Variants in SPTBN2 observed in about 807,000 individuals in gnomAD.
SPTBN2 encodes spectrin beta chain, non-erythrocytic 2.
SPTBN2 carries 107 observed loss-of-function variants against 284.2 expected under a neutral mutation model. That is an observed-to-expected ratio of 0.38 (90% confidence interval 0.32 to 0.44). The LOEUF (loss-of-function observed/expected upper bound fraction) is 0.44, where lower values mean the gene tolerates loss of function less well. Ranked by LOEUF, SPTBN2 falls within the 20% of genes least tolerant of loss-of-function variation. The pLI, the probability that SPTBN2 is intolerant of heterozygous loss-of-function variation, is 1.00. For synonymous variants in SPTBN2, 1,289 were observed against 1,354.8 expected (o/e 0.95, Z 1.07); for missense variants, 2,569 against 3,287.1 (o/e 0.78, Z 5.34).
chr11:66,738,852 C>A (rs1384164610), intron 1 of SPTBN2, among the ~76,000 whole-genome samples: 3 of 146,034 alleles, frequency 2.1e-5, no homozygotes, highest in African/African-American at 7.7e-5. Context: ...CACTCTGTTG[C>A]CCAGGCTGGA....
chr11:66,696,689 C>T (rs776851604), intron 20 of SPTBN2, 149 bp from the exon 21 acceptor site: 14 of 1,135,834 alleles, frequency 1.2e-5, no homozygotes, highest in South Asian at 4.0e-5. Flanking sequence ...ACACTCTTCA[C>T]GGAGGTTTAA....
rs748587973 is a variant in SPTBN2 at position 66,688,654 on chromosome 11, G to A, written c.6230C>T (p.Ala2077Val). 52 of 1,613,670 alleles carry A rather than the reference G, an allele frequency of 3.2e-5. No individual in the cohort carries two copies. In the South Asian group the frequency reaches 4.5e-4, roughly 14 times the overall value. ...CATCCGGGGTCCTGTGTCCCTCACC[G>A]CAGTAAGCTTCTCCAGCGCACAGAA... Reference protein sequence around the residue: ...ERFCALEKLTALEEREKERKR... With the variant: ...ERFCALEKLTVLEEREKERKR... Residue 2077 changes from alanine to valine, a missense_variant and splice_region_variant, in exon 31 of 38, where the codon GCG (alanine) becomes GTG (valine). By Grantham distance (64) the Ala-to-Val change is moderately conservative. Coordinates refer to ENST00000533211, the MANE Select transcript of SPTBN2 (RefSeq NM_006946.4).
In SPTBN2 at chr11:66,687,314, T is replaced by C. The variant is rs1395039808; in HGVS notation, c.6722+113A>G. The C allele has an allele frequency of 4.4e-5, 68 of 1,548,662 alleles. No individual in the cohort carries two copies. Among genetic ancestry groups the C allele is most frequent in the Non-Finnish European group, 5.3e-5 (60 of 1,136,592 alleles). On this transcript the variant is annotated intron_variant, in intron 35 of 37. Transcript: ENST00000533211. This position sits in a 1 kb window ranked among gnomAD's most constrained non-coding sequence, Gnocchi z 5.2. ...GTCCTCCCCTGAGGCCCCGCTCTGG[T>C]CCCAAGTCCTACCCTTTGCCCAGAA...
At chr11:66,723,805 A>C (rs894333056) in intron 1 of SPTBN2, among the ~76,000 whole-genome samples, 53 of 152,162 alleles carry the variant, frequency 3.5e-4, no homozygotes, top group Admixed American at 1.6e-3. Context: ...TGCTGTGGGC[A>C]AGGCATGACC....
At chr11:66,734,997 T>C (rs1942842437) in intron 1 of SPTBN2, among the ~76,000 whole-genome samples, 1 of 152,192 alleles carries the variant, frequency 6.6e-6, no homozygotes, top group South Asian at 2.1e-4. Context: ...GAGATCAAAG[T>C]TAAATTCTTC....
chr11:66,688,738 T>C lies in SPTBN2; in HGVS notation c.6146A>G (p.Glu2049Gly). Residue 2049 changes from glutamate to glycine, a missense_variant, in exon 31 of 38, where the codon GAG (glutamate) becomes GGG (glycine). This residue lies in a region of SPTBN2 where 1,130 missense variants were observed against 1,317.3 expected (regional missense o/e 0.86). Coordinates refer to ENST00000533211, the MANE Select transcript of SPTBN2 (RefSeq NM_006946.4). ...GGCCTCGTGCCGCTTGATGAGGCTC[T>C]CAACTTCGTCGACCGTGCAACCCAG... ...AELGCTVDEVESLIKRHEAFQ... is the reference protein window; with the variant it reads ...AELGCTVDEVGSLIKRHEAFQ... The C allele has an allele frequency of 1.9e-6, 3 of 1,613,706 alleles. No individual in the cohort carries two copies. Among genetic ancestry groups the C allele is most frequent in the Non-Finnish European group, 2.5e-6 (3 of 1,180,026 alleles).
chr11:66,694,729 C>A (rs1940806657), intron 21 of SPTBN2, among the ~76,000 whole-genome samples: 1 of 152,232 alleles, frequency 6.6e-6, no homozygotes, highest in Non-Finnish European at 1.5e-5. Flanking sequence ...ATTATCAATT[C>A]ATTGTCTCTC....
chr11:66,696,446 G>C lies in SPTBN2; in HGVS notation c.4109C>G (p.Thr1370Ser), dbSNP rs1241681811. ...DLHRRWDELE[T>S]TTQAKARSLF... ...GCTGCGGGCCTTGGCTTGGGTGGTGGTCTCCAGCTCGTCCCAGCGCCTGTG... is the reference window on the plus strand; with the variant it reads ...GCTGCGGGCCTTGGCTTGGGTGGTGCTCTCCAGCTCGTCCCAGCGCCTGTG... Residue 1370 changes from threonine (T) to serine (S), a missense_variant, in exon 21 of 38, where the codon ACC becomes AGC. Thr to Ser is a moderately conservative substitution (Grantham distance 58). Around this residue, in one of 6 missense-constraint regions of SPTBN2, gnomAD observed 50 missense variants for 48.1 expected, o/e 1.04. Transcript: ENST00000533211. The C allele has an allele frequency of 6.2e-7, 1 of 1,612,958 alleles. No individual in the cohort carries two copies. Among genetic ancestry groups the C allele is most frequent in the Non-Finnish European group, 8.5e-7 (1 of 1,180,032 alleles).
chr11:66,696,314 T>A lies in SPTBN2; in HGVS notation c.4241A>T (p.Asp1414Val). 1 of 1,612,990 alleles carries A rather than the reference T, an allele frequency of 6.2e-7. No homozygotes were observed. Among genetic ancestry groups the A allele is most frequent in the Non-Finnish European group, 8.5e-7 (1 of 1,180,028 alleles). ...GAGCAGGATGTTGACGCTGGTGAGG[T>A]CCTTGCCGTAGTCATCCGAGTGCAG... ...AQLHSDDYGKDLTSVNILLKK... is the reference protein window; with the variant it reads ...AQLHSDDYGKVLTSVNILLKK... The change falls in exon 21 of 38, where the codon GAC becomes GTC. Residue 1414 changes from aspartate (D) to valine (V), a missense_variant. Coordinates refer to ENST00000533211, the MANE Select transcript of SPTBN2 (RefSeq NM_006946.4).
chr11:66,725,744 G>A (rs758589123), intron 1 of SPTBN2, among the ~76,000 whole-genome samples: 3 of 152,190 alleles, frequency 2.0e-5, no homozygotes, highest in Non-Finnish European at 2.9e-5. Flanking sequence ...TGCAGGCTTG[G>A]GGTCCTGCTG....
At chr11:66,714,226 C>T (rs1209006346) in intron 6 of SPTBN2, 55 bp from the exon 7 acceptor site, 2 of 1,607,378 alleles carry the variant, frequency 1.2e-6, no homozygotes, top group Non-Finnish European at 1.7e-6. Flanking sequence ...TTCTATGACT[C>T]CAGGGCAGTC....
rs374748738 is a variant in SPTBN2 at position 66,690,287 on chromosome 11, C to T, written c.5566-4G>A. On this transcript the variant is annotated splice_region_variant and splice_polypyrimidine_tract_variant and intron_variant, in intron 27 of 37. Transcript: ENST00000533211. ...CGTCGTCCTGCACCTGCTGGACCTGCGGAGCCCCGGGTCAGAGTCAGGCAG... is the reference window on the plus strand; with the variant it reads ...CGTCGTCCTGCACCTGCTGGACCTGTGGAGCCCCGGGTCAGAGTCAGGCAG... The T allele has an allele frequency of 1.1e-4, 178 of 1,602,408 alleles. No homozygotes were observed. Among genetic ancestry groups the T allele is most frequent in the Non-Finnish European group, 1.4e-4 (168 of 1,175,806 alleles).
In SPTBN2 at chr11:66,705,695, T is replaced by A. The variant is rs1177479442; in HGVS notation, c.1796A>T (p.Asn599Ile). The A allele has an allele frequency of 1.2e-6, 2 of 1,611,838 alleles. No individual in the cohort carries two copies. The highest frequency in any genetic ancestry group is 1.7e-6 in the Non-Finnish European group (2 of 1,179,990). Residue 599 changes from asparagine (N) to isoleucine (I), a missense_variant, in exon 14 of 38, where the codon AAC becomes ATC. Physicochemically the swap from Asn to Ile is moderately radical, Grantham distance 149 (BLOSUM62 -3). Transcript: ENST00000533211. ...CGCTGACTTCTCACCTTTCCCTGGG[T>A]TGCAGAAGCGCAGGGCAGAGGCGCT... Reference protein sequence around the residue: ...AVSASALRFCNPGKEYRPCDP... With the variant: ...AVSASALRFCIPGKEYRPCDP...
At position 66,687,183 on chromosome 11, in the gene SPTBN2, T is replaced by C. The variant is rs1267937735; in HGVS notation, c.6723-16A>G. On this transcript the variant is annotated splice_polypyrimidine_tract_variant and intron_variant, in intron 35 of 37. Coordinates refer to ENST00000533211, the MANE Select transcript of SPTBN2 (RefSeq NM_006946.4). This position sits in a 1 kb window ranked among gnomAD's most constrained non-coding sequence, Gnocchi z 5.2. ...CTGCCAGGACCTGCGAGGGACGCGG[T>C]GCTGACTGGCCGGCCTCAGTGGCGC... The C allele has an allele frequency of 6.2e-7, 1 of 1,613,394 alleles. No homozygotes were observed. Among genetic ancestry groups the C allele is most frequent in the Non-Finnish European group, 8.5e-7 (1 of 1,179,972 alleles).
At position 66,685,141 on chromosome 11, in the gene SPTBN2, A is replaced by G. The variant is rs1940027132; in HGVS notation, c.*730T>C. 1 of 153,296 alleles carries G rather than the reference A, an allele frequency of 6.5e-6. No individual in the cohort carries two copies. Among genetic ancestry groups the G allele is most frequent in the African/African-American group, 2.4e-5 (1 of 41,412 alleles). The allele number at this position is 153,296 out of a possible 1,614,324, so 9.5% of individuals were successfully genotyped here. A position where few individuals can be genotyped will look rare whatever the true frequency, so the allele number is the denominator to read the frequency against. ...TCTCAGTGTGACACGGCTCTTCAAG[A>G]GCTTGGAGGCTGGGGAAACGTGAGA... is the stretch of plus-strand genomic sequence containing the variant. On this transcript the variant is annotated 3_prime_UTR_variant, in exon 38 of 38. Coordinates refer to ENST00000533211, the MANE Select transcript of SPTBN2 (RefSeq NM_006946.4). This position sits in a 1 kb window ranked among gnomAD's most constrained non-coding sequence, Gnocchi z 4.4.
Position 66,693,536 on chromosome 11 carries a change from C to G in SPTBN2, c.4594-90G>C, listed in dbSNP as rs1003932104. ...CCACCCTTCACCCCTGTGCCTCTCT[C>G]CTTCCTGGGTCCTCTGCTCCCTCTC... On this transcript the variant is annotated intron_variant, in intron 23 of 37. Coordinates refer to ENST00000533211, the MANE Select transcript of SPTBN2 (RefSeq NM_006946.4). The surrounding 1 kb of genome is among the most constrained non-coding windows in gnomAD (Gnocchi z 5.7). 1 of 1,535,276 alleles carries G rather than the reference C, an allele frequency of 6.5e-7. No homozygotes were observed. The highest frequency in any genetic ancestry group is 1.9e-5 in the Admixed American group (1 of 51,390).
In SPTBN2 at chr11:66,710,585, G is replaced by A; in HGVS notation, c.1070C>T (p.Pro357Leu). 1.9e-6 allele frequency: 3 copies of A among 1,613,484 alleles called. No homozygotes were observed. The highest frequency in any genetic ancestry group is 2.5e-6 in the Non-Finnish European group (3 of 1,179,822). Residue 357 changes from proline (P) to leucine (L), a missense_variant, in exon 10 of 38, where the codon CCC becomes CTC. Transcript: ENST00000533211. The surrounding 1 kb of genome is among the most constrained non-coding windows in gnomAD (Gnocchi z 4.9). ...FNSYRTVEKP[P>L]KFTEKGNLEV... ...GTGGGGCCCCAGGGACACCTACTTG[G>A]GCGGCTTCTCCACGGTGCGGTAGGA...
At chr11:66,729,824 C>T (rs916021981), upstream of SPTBN2, among the ~76,000 whole-genome samples, 3 of 152,056 alleles carry the variant, frequency 2.0e-5, no homozygotes, top group Admixed American at 6.6e-5. Context: ...TATTTTGAGA[C>T]GGAGTCGTGC....
At chr11:66,686,363 G>A in intron 37 of SPTBN2, 35 bp downstream of exon 37, 1 of 1,613,610 alleles carries the variant, frequency 6.2e-7, no homozygotes, top group Non-Finnish European at 8.5e-7. Flanking sequence ...CTTCTGGAAT[G>A]GCACGGACAG....
Sources: allele counts gnomAD v4.1 joint callset (sites outside exome capture counted in the v4.1 genomes callset), GRCh38; gene constraint gnomAD v4.1.1; regional missense constraint gnomAD v4.1.1; non-coding constraint Gnocchi (gnomAD v3.1); transcripts MANE v1.5; gene names NCBI Gene and HGNC (gene_info 2026-07-23, HGNC 2026-07-21).